YAF2: variants seen among roughly 807,000 people sequenced by gnomAD.
The protein encoded by YAF2 is YY1 associated factor 2, also known as YY1-associated factor 2.
In YAF2, 7 loss-of-function variants were observed where a neutral mutation model predicts 20.1. The observed-to-expected ratio is 0.35, with a 90% CI of 0.20 to 0.65. YAF2 has a LOEUF of 0.65. YAF2 is among the 30% of genes least tolerant of loss of function. The pLI, the probability that YAF2 is intolerant of heterozygous loss-of-function variation, is 0.69. For synonymous variants in YAF2, 74 were observed against 76.0 expected (o/e 0.97, Z 0.14); for missense variants, 151 against 219.2 (o/e 0.69, Z 1.96).
intron 2 of YAF2, among the ~76,000 whole-genome samples, chr12:42,215,440 T>C (rs2067324867): frequency 6.6e-6 from 1 of 152,134 alleles, no homozygotes; most frequent in Non-Finnish European, 1.5e-5. Context: ...AAAACTCCAG[T>C]GTACTTCAGA....
At chr12:42,235,049 AGG>A in intron 2 of YAF2, 2 of 985,506 alleles carry the variant, frequency 2.0e-6, no homozygotes, top group Non-Finnish European at 2.4e-6. Context: ...TCTTCTCTGC[AGG>A]TCTAAAAAGA....
At chr12:42,176,357 G>C (rs528413332) in intron 2 of YAF2, among the ~76,000 whole-genome samples, 1 of 152,160 alleles carries the variant, frequency 6.6e-6, no homozygotes, top group South Asian at 2.1e-4. Flanking sequence ...CTGGCCTCAA[G>C]TGATACTCCT....
At chr12:42,205,214 G>A (rs1453055875) in intron 2 of YAF2, among the ~76,000 whole-genome samples, 2 of 150,968 alleles carry the variant, frequency 1.3e-5, no homozygotes, top group African/African-American at 2.4e-5. Context: ...TAAATTATTA[G>A]CGATTTCTTA....
At chr12:42,227,553 C>T (rs1334431830) in intron 2 of YAF2, among the ~76,000 whole-genome samples, 3 of 146,164 alleles carry the variant, frequency 2.1e-5, no homozygotes, top group East Asian at 2.1e-4. Context: ...AGGTGAGGAG[C>T]GTCTCTGCCC....
chr12:42,163,882 C>A (rs537449010), intron 2 of YAF2, among the ~76,000 whole-genome samples: 1 of 152,136 alleles, frequency 6.6e-6, no homozygotes, highest in East Asian at 1.9e-4. Flanking sequence ...CCTTCTATCT[C>A]CAGGTATCTT....
intron 2 of YAF2, among the ~76,000 whole-genome samples, chr12:42,215,620 T>A (rs1346029063): frequency 4.0e-5 from 6 of 149,422 alleles, no homozygotes; most frequent in East Asian, 2.0e-4. Context: ...CTCCCAGGAG[T>A]TTTCAAAGCT....
intron 2 of YAF2, among the ~76,000 whole-genome samples, chr12:42,208,153 C>A (rs910024452): frequency 6.6e-6 from 1 of 152,104 alleles, no homozygotes; most frequent in African/African-American, 2.4e-5. Context: ...TATGGCCAGG[C>A]GCCATGGCTC....
chr12:42,186,970 T>C (rs1384748323), intron 2 of YAF2, among the ~76,000 whole-genome samples: 3 of 152,140 alleles, frequency 2.0e-5, no homozygotes, highest in Admixed American at 6.5e-5. Context: ...TAGGAGGTAG[T>C]AGAAATTGAG....
rs188082677 is a variant in YAF2, at chr12:42,216,706, T to C, written c.152+20893A>G. 4.4e-3 allele frequency among the ~76,000 whole-genome samples: 666 copies of C among 152,324 alleles called. 6 individuals carry two copies. Among genetic ancestry groups the C allele is most frequent in the African/African-American group, 0.016 (646 of 41,572 alleles). ...GTATTTACAGCCCTTTTCTCCTTCCTAAGCCTTACCCAACATATCCAAACT... is the reference window on the plus strand; with the variant it reads ...GTATTTACAGCCCTTTTCTCCTTCCCAAGCCTTACCCAACATATCCAAACT... On this transcript the variant is annotated intron_variant, in intron 2 of 3. Coordinates refer to ENST00000534854, the MANE Select transcript of YAF2 (RefSeq NM_005748.6).
chr12:42,229,436 AC>A (rs1487031801), intron 2 of YAF2, among the ~76,000 whole-genome samples: 2 of 147,182 alleles, frequency 1.4e-5, no homozygotes, highest in East Asian at 1.9e-4. Context: ...AAAAAAAAAA[AC>A]ATTTAAATAT....
intron 2 of YAF2, among the ~76,000 whole-genome samples, chr12:42,200,216 C>T (rs1428249289): frequency 2.6e-5 from 4 of 152,190 alleles, no homozygotes; most frequent in African/African-American, 4.8e-5. Flanking sequence ...GCCTGCTTCC[C>T]GTGCTCCAAA....
At chr12:42,219,870 G>A (rs773531660) in intron 2 of YAF2, among the ~76,000 whole-genome samples, 8 of 152,118 alleles carry the variant, frequency 5.3e-5, no homozygotes, top group African/African-American at 1.4e-4. Context: ...TGATGCTAAC[G>A]CCACTGGTCT....
intron 3 of YAF2, 42 bp downstream of exon 3, chr12:42,161,571 T>C (rs1444950289): frequency 1.2e-5 from 18 of 1,535,046 alleles, no homozygotes; most frequent in Admixed American, 2.3e-5. Context: ...ATTAAATGGT[T>C]TTATTATTTC....
intron 2 of YAF2, chr12:42,232,114 T>C (rs904753754): frequency 6.6e-6 from 1 of 152,244 alleles, no homozygotes; most frequent in Non-Finnish European, 1.5e-5. Flanking sequence ...AAATATGAGA[T>C]GTAATAAAAT....
chr12:42,216,848 A>C (rs1353085574), intron 2 of YAF2, among the ~76,000 whole-genome samples: 2 of 152,160 alleles, frequency 1.3e-5, no homozygotes, highest in Admixed American at 1.3e-4. Context: ...AGTGAGAACT[A>C]ACACCACTCA....
chr12:42,222,498 G>C (rs946685155), intron 2 of YAF2, among the ~76,000 whole-genome samples: 3 of 152,140 alleles, frequency 2.0e-5, no homozygotes, highest in Admixed American at 6.6e-5. Flanking sequence ...CAGCCATATA[G>C]GGGCGGTTTG....
At chr12:42,168,834 C>A (rs1324277146) in intron 2 of YAF2, among the ~76,000 whole-genome samples, 1 of 151,872 alleles carries the variant, frequency 6.6e-6, no homozygotes, top group Non-Finnish European at 1.5e-5. Flanking sequence ...TTAAAATTTT[C>A]TAATTAAATT....
At chr12:42,186,194 A>AG (rs1234413153) in intron 2 of YAF2, among the ~76,000 whole-genome samples, 21 of 149,094 alleles carry the variant, frequency 1.4e-4, no homozygotes, top group African/African-American at 4.9e-4. Flanking sequence ...TGTCTCAAAA[A>AG]AAAAAAAAAA....
rs189006896 is a variant in YAF2 at position 42,192,314 on chromosome 12, C to T, written c.153-30549G>A. 3.6e-3 allele frequency among the ~76,000 whole-genome samples: 542 copies of T among 152,220 alleles called. 3 individuals are homozygous for T. The highest frequency in any genetic ancestry group is 0.013 in the African/African-American group (526 of 41,538). ...CCTGAGCCCAGGAGATCAAGACCAG[C>T]CTGGGCAACACAGCAAGACCTCATC... is the stretch of plus-strand genomic sequence containing the variant. On this transcript the variant is annotated intron_variant, in intron 2 of 3. Transcript: ENST00000534854.
Sources: gnomAD v4.1 joint callset for allele counts (sites outside exome capture counted in the v4.1 genomes callset) on GRCh38, gnomAD v4.1.1 for gene constraint, MANE v1.5 for transcripts, NCBI Gene and HGNC (gene_info 2026-07-23, HGNC 2026-07-21) for gene names.